The following PLXND1 variants were observed in gnomAD, a reference collection of about 807,000 sequenced individuals.
The protein encoded by PLXND1 is plexin-D1.
In PLXND1, 54 loss-of-function variants were observed where a neutral mutation model predicts 197.7. That is an observed-to-expected ratio of 0.27 (90% CI 0.22 to 0.34). The LOEUF (loss-of-function observed/expected upper bound fraction) is 0.34. Among genes scored for constraint, PLXND1 ranks in the 10% least tolerant of loss-of-function variants. The pLI, the probability that PLXND1 is intolerant of heterozygous loss-of-function variation, is 1.00. For missense variants in PLXND1, 2,127 were observed against 2,699.2 expected, an observed-to-expected ratio of 0.79 and a Z score of 4.70; for synonymous variants, 1,180 against 1,161.2, an observed-to-expected ratio of 1.02 and a Z score of -0.33.
rs938849264 is a variant in PLXND1, at chr3:129,577,762, A to C, written c.2346+567T>G. 6.6e-6 allele frequency among the ~76,000 whole-genome samples: 1 copy of C among 152,164 alleles called. No homozygotes were observed. Among genetic ancestry groups the C allele is most frequent in the African/African-American group, 2.4e-5 (1 of 41,438 alleles). On this transcript the variant is annotated intron_variant, in intron 9 of 35. Transcript: ENST00000324093. The surrounding 1 kb of genome is among the most constrained non-coding windows in gnomAD (Gnocchi z 5.0). ...AGATGGTGGGGGCGGGGCTAGTTGC[A>C]AAGACGAGCACTGGTTGGGGAGTCC...
rs1463330492 is a variant in PLXND1, at chr3:129,606,061, C to T, written c.579G>A (p.Gly193=). The T allele has an allele frequency of 6.3e-7, 1 of 1,580,176 alleles. No individual in the cohort carries two copies. The highest frequency in any genetic ancestry group is 8.6e-7 in the Non-Finnish European group (1 of 1,167,996). The change falls in exon 1 of 36, where the codon GGG becomes GGA. Residue 193 remains glycine, a synonymous_variant. Transcript: ENST00000324093. ...CGCCCGCGGCGGGAGGCAGAACTAGCCCCACGGTGGACGCGTTCGGGTGGT... is the reference window on the plus strand; with the variant it reads ...CGCCCGCGGCGGGAGGCAGAACTAGTCCCACGGTGGACGCGTTCGGGTGGT... ...AANHPNASTV[G]LVLPPAAGAG... is the part of the protein sequence containing the mutation.
intron 20 of PLXND1, among the ~76,000 whole-genome samples, chr3:129,568,457 T>C (rs1340586294): frequency 3.9e-5 from 6 of 152,232 alleles, no homozygotes; most frequent in African/African-American, 1.2e-4. Context: ...CTGCATTGAA[T>C]ATACTCACTT....
At chr3:129,564,424 T>G (rs773859981) in intron 25 of PLXND1, among the ~76,000 whole-genome samples, 10 of 152,178 alleles carry the variant, frequency 6.6e-5, no homozygotes, top group Admixed American at 1.3e-4. Context: ...AGCGGGAGGA[T>G]TGCTTGAGCT....
In PLXND1 at chr3:129,561,675, A is replaced by G. The variant is rs756631040; in HGVS notation, c.4964T>C (p.Ile1655Thr). The G allele has an allele frequency of 3.8e-6, 6 of 1,588,310 alleles. No homozygotes were observed. The Admixed American group carries it at 5.1e-5, about 14-fold the overall frequency. The change falls in exon 29 of 36, where the codon ATA becomes ACA. Residue 1655 changes from isoleucine to threonine, a missense_variant. Ile to Thr is a moderately conservative substitution (Grantham distance 89). This residue lies in a region of PLXND1 where 532 missense variants were observed against 811.0 expected (regional missense o/e 0.66). Transcript: ENST00000324093. ...GCCCAGTGTGTTGTCCTTCTTGTCT[A>G]TGAGACTCATGGCCAGGGAGGCACC... ...PEGASLAMSL[I>T]DKKDNTLGRV...
In PLXND1 at chr3:129,558,345, C is replaced by G. The variant is rs2085004168; in HGVS notation, c.5445+83G>C. Reference sequence around the variant, plus strand: ...CCAGGAAGATCTCTGAGCTCAGCCTCAGAGAGTCGAGGAGGCTACCCATGG... The same window carrying G: ...CCAGGAAGATCTCTGAGCTCAGCCTGAGAGAGTCGAGGAGGCTACCCATGG... On this transcript the variant is annotated intron_variant, in intron 33 of 35. Transcript: ENST00000324093. This position sits in a 1 kb window ranked among gnomAD's most constrained non-coding sequence, Gnocchi z 4.1. 2 of 1,348,012 alleles carry G rather than the reference C, an allele frequency of 1.5e-6. No homozygotes were observed. Among genetic ancestry groups the G allele is most frequent in the Non-Finnish European group, 2.1e-6 (2 of 971,084 alleles). 83.5% of individuals were successfully genotyped at this position (1,348,012 alleles called of 1,614,324 possible). A position where few individuals can be genotyped will look rare whatever the true frequency, so the allele number is the denominator to read the frequency against.
At position 129,565,301 on chromosome 3, in the gene PLXND1, TCCCCCG is replaced by T. The variant is rs758217938; in HGVS notation, c.4521+33_4521+38del. ...TCACTGCCGCTGAGTCCCTGCCACGTCCCCCGCCTGGGCTCTGTCTGTCCCCAGGCA... is the reference window on the plus strand; with the variant it reads ...TCACTGCCGCTGAGTCCCTGCCACGTCCTGGGCTCTGTCTGTCCCCAGGCA... On this transcript the variant is annotated intron_variant, in intron 25 of 35. Transcript: ENST00000324093. 169 of 1,573,768 alleles carry T rather than the reference TCCCCCG, an allele frequency of 1.1e-4. 1 individual carries two copies. The Middle Eastern group carries it at 2.1e-3, about 20-fold the overall frequency.
At chr3:129,566,719 T>A in intron 22 of PLXND1, 88 bp from the exon 23 acceptor site, 1 of 777,956 alleles carries the variant, frequency 1.3e-6, no homozygotes, top group Non-Finnish European at 2.1e-6. Flanking sequence ...GGGCACTGGC[T>A]TGGGCTGCTG....
At chr3:129,568,388 A>T (rs1003838372) in intron 20 of PLXND1, among the ~76,000 whole-genome samples, 3 of 152,222 alleles carry the variant, frequency 2.0e-5, no homozygotes, top group African/African-American at 7.2e-5. Flanking sequence ...AAAAATACAC[A>T]GGGTATTAAT....
chr3:129,560,234 C>A, intron 31 of PLXND1, 96 bp downstream of exon 31: 1 of 763,956 alleles, frequency 1.3e-6, no homozygotes, highest in Non-Finnish European at 2.2e-6. Context: ...CCTCTCCCAG[C>A]CGCGGGTGCA....
chr3:129,579,314 G>A (rs1252706344), intron 8 of PLXND1, among the ~76,000 whole-genome samples: 1 of 152,148 alleles, frequency 6.6e-6, no homozygotes, highest in Non-Finnish European at 1.5e-5. Flanking sequence ...CCTCCGAGCT[G>A]GGGCGCGTGT....
chr3:129,593,450 T>C (rs1040860378), intron 1 of PLXND1, among the ~76,000 whole-genome samples: 5 of 152,246 alleles, frequency 3.3e-5, no homozygotes, highest in Non-Finnish European at 4.4e-5. Flanking sequence ...GGACCCATGC[T>C]GTTCCCTCTC....
At position 129,567,894 on chromosome 3, in the gene PLXND1, T is replaced by C. The variant is rs1347027279; in HGVS notation, c.3866-89A>G. 9.4e-6 allele frequency: 5 copies of C among 529,394 alleles called. No homozygotes were observed. The African/African-American group carries it at 1.0e-4, about 11-fold the overall frequency. The allele number at this position is 529,394 out of a possible 1,614,324, so 32.8% of individuals were successfully genotyped here. A position where few individuals can be genotyped will look rare whatever the true frequency, so the allele number is the denominator to read the frequency against. ...GCTGTATTCTGGCCTCCGCTCCAGC[T>C]CCTCTGGGCAGGGTGTGGGAGGAGG... On this transcript the variant is annotated intron_variant, in intron 20 of 35. Coordinates refer to ENST00000324093, the MANE Select transcript of PLXND1 (RefSeq NM_015103.3).
chr3:129,561,019 G>C, intron 29 of PLXND1: 1 of 552,310 alleles, frequency 1.8e-6, no homozygotes, highest in Non-Finnish European at 3.4e-6. Context: ...GAGGCAGAGA[G>C]AGAAAGACAC....
chr3:129,598,338 C>A (rs548871364), intron 1 of PLXND1, among the ~76,000 whole-genome samples: 1 of 152,234 alleles, frequency 6.6e-6, no homozygotes, highest in African/African-American at 2.4e-5. Context: ...GTCATGACCT[C>A]CTCCCTCACC....
intron 12 of PLXND1, 119 bp from the exon 13 acceptor site, chr3:129,573,864 G>A (rs893457179): frequency 2.1e-5 from 24 of 1,141,328 alleles, no homozygotes; most frequent in South Asian, 1.2e-4. Context: ...CTTAGAGGAA[G>A]GTCTGGAGGC....
At position 129,557,648 on chromosome 3, in the gene PLXND1, G is replaced by GA. The variant is rs1477242549; in HGVS notation, c.5446-426dup. On this transcript the variant is annotated intron_variant, in intron 33 of 35. Coordinates refer to ENST00000324093, the MANE Select transcript of PLXND1 (RefSeq NM_015103.3). The surrounding 1 kb of genome is among the most constrained non-coding windows in gnomAD (Gnocchi z 4.8). The stretch of plus-strand genomic sequence containing the variant: ...TTCCCACCACATGCTCCTAACGCCT[G>GA]AAAGAAGTGCCAAGAACACTCCCAG... Among the ~76,000 whole-genome samples the GA allele has an allele frequency of 6.6e-6, 1 of 152,228 alleles. No homozygotes were observed. The highest frequency in any genetic ancestry group is 1.5e-5 in the Non-Finnish European group (1 of 68,042).
At position 129,569,933 on chromosome 3, in the gene PLXND1, T is replaced by C; in HGVS notation, c.3775A>G (p.Thr1259Ala). 1 of 1,612,166 alleles carries C rather than the reference T, an allele frequency of 6.2e-7. No individual in the cohort carries two copies. The highest frequency in any genetic ancestry group is 8.5e-7 in the Non-Finnish European group (1 of 1,178,440). The change falls in exon 20 of 36, where the codon ACC becomes GCC. Residue 1259 changes from threonine (T) to alanine (A), a missense_variant. By Grantham distance (58) the Thr-to-Ala change is moderately conservative. Transcript: ENST00000324093. ...CCCCCCAGCTGCAGTGTGGCGATGG[T>C]CTGGTTGAAGTTCCCTACCTGGATC... ...ITIQVGNFNQ[T>A]IATLQLGGSE...
rs138737379 is a variant in PLXND1, at chr3:129,587,925, C to T, written c.1489-1206G>A. ...CCCAGCCTGAGACACTCCTGTCCCA[C>T]GTGGCCTCTTGGCGGAGCCTTGCAG... is the stretch of plus-strand genomic sequence containing the variant. On this transcript the variant is annotated intron_variant, in intron 2 of 35. Transcript: ENST00000324093. Among the ~76,000 whole-genome samples the T allele has an allele frequency of 3.0e-3, 457 of 152,318 alleles. 1 individual carries two copies. Among genetic ancestry groups the T allele is most frequent in the Non-Finnish European group, 4.1e-3 (279 of 68,020 alleles).
chr3:129,604,966 G>C (rs2085761839), intron 1 of PLXND1, among the ~76,000 whole-genome samples: 1 of 152,230 alleles, frequency 6.6e-6, no homozygotes. Context: ...CTTTGGTCAG[G>C]CATGCAGTCA....
Sources: gnomAD v4.1 joint callset for allele counts (sites outside exome capture counted in the v4.1 genomes callset) on GRCh38, gnomAD v4.1.1 for gene constraint, gnomAD v4.1.1 regional missense constraint, Gnocchi (gnomAD v3.1) non-coding constraint, MANE v1.5 for transcripts, NCBI Gene and HGNC (gene_info 2026-07-23, HGNC 2026-07-21) for gene names.